LIFR: variants seen among roughly 807,000 people sequenced by gnomAD.
LIFR encodes the protein leukemia inhibitory factor receptor.
A neutral mutation model predicts 122.2 loss-of-function variants in LIFR; 84 were observed. The ratio of observed to expected loss-of-function variants is 0.69; its 90% confidence interval spans 0.58 to 0.82. The LOEUF (loss-of-function observed/expected upper bound fraction) is 0.82. LIFR is among the 40% of genes least tolerant of loss of function. The pLI is 0.00. For synonymous variants in LIFR, 422 were observed against 434.7 expected, an observed-to-expected ratio of 0.97 and a Z score of 0.36; for missense variants, 1,294 against 1,311.6, an observed-to-expected ratio of 0.99 and a Z score of 0.21.
chr5:38,522,607 G>A (rs1268637012), intron 5 of LIFR, among the ~76,000 whole-genome samples: 1 of 152,130 alleles, frequency 6.6e-6, no homozygotes, highest in Non-Finnish European at 1.5e-5. Flanking sequence ...ATGCAGGTTT[G>A]TATGTGGCCT....
At chr5:38,575,415 A>G (rs1287703941) in intron 1 of LIFR, among the ~76,000 whole-genome samples, 1 of 152,232 alleles carries the variant, frequency 6.6e-6, no homozygotes, top group East Asian at 1.9e-4. Context: ...GGTTTTATAA[A>G]ACAACTTTGT....
chr5:38,556,161 G>A (rs929724672), intron 1 of LIFR, among the ~76,000 whole-genome samples, 173 bp downstream of exon 1: 1 of 152,100 alleles, frequency 6.6e-6, no homozygotes, highest in African/African-American at 2.4e-5. Context: ...GGTGACCCAA[G>A]GGCGCGCGGA....
chr5:38,523,105 C>G, intron 5 of LIFR, among the ~76,000 whole-genome samples: 1 of 152,178 alleles, frequency 6.6e-6, no homozygotes, highest in East Asian at 1.9e-4. Context: ...TAAATGTGCA[C>G]TTTCATTTAC....
chr5:38,493,701 T>C lies in LIFR; in HGVS notation c.1970A>G (p.Tyr657Cys), dbSNP rs1561140463. The C allele has an allele frequency of 3.7e-6, 6 of 1,614,060 alleles. No homozygotes were observed. The highest frequency in any genetic ancestry group is 5.1e-6 in the Non-Finnish European group (6 of 1,180,028). ...WHYDPNMTCD[Y>C]VIKWCNSSRS... ...AGACGAGTTACACCACTTAATGACG[T>C]AGTCGCAAGTCATGTTGGGGTCGTA... Residue 657 changes from tyrosine to cysteine, a missense_variant, in exon 14 of 20, where the codon TAC (tyrosine) becomes TGC (cysteine). Tyr to Cys is a radical substitution (Grantham distance 194, BLOSUM62 -2). Transcript: ENST00000453190.
chr5:38,601,042 T>C (rs1426113820), intron 2 of LIFR, among the ~76,000 whole-genome samples: 1 of 152,234 alleles, frequency 6.6e-6, no homozygotes, highest in Non-Finnish European at 1.5e-5. Context: ...TCAAAATTCG[T>C]ATGTTGAAAC....
chr5:38,605,633 A>G (rs532691640), intron 2 of LIFR, among the ~76,000 whole-genome samples: 42 of 152,348 alleles, frequency 2.8e-4, no homozygotes, highest in Non-Finnish European at 1.9e-4. Flanking sequence ...TCCTAAAAAA[A>G]GATACCTGCT....
chr5:38,563,705 A>C (rs969467199), intron 1 of LIFR, among the ~76,000 whole-genome samples: 3 of 152,124 alleles, frequency 2.0e-5, no homozygotes, highest in Non-Finnish European at 4.4e-5. Context: ...ACAATCCTGC[A>C]AGTTACAGGG....
At chr5:38,526,755 T>C (rs1465827307) in intron 4 of LIFR, among the ~76,000 whole-genome samples, 2 of 152,196 alleles carry the variant, frequency 1.3e-5, no homozygotes, top group Non-Finnish European at 2.9e-5. Context: ...TTACATGATA[T>C]GTAAAACACA....
At chr5:38,532,899 G>A (rs1489486536) in intron 1 of LIFR, among the ~76,000 whole-genome samples, 1 of 152,176 alleles carries the variant, frequency 6.6e-6, no homozygotes, top group Non-Finnish European at 1.5e-5. Context: ...CCTTAGAGGA[G>A]CACAAATTTT....
chr5:38,557,469 GTGT>G (rs1748648959), upstream of LIFR: 1 of 154,760 alleles, frequency 6.5e-6, no homozygotes, highest in Non-Finnish European at 1.5e-5. Context: ...GCGTTTGATG[GTGT>G]TCTCTTCGGC....
intron 5 of LIFR, among the ~76,000 whole-genome samples, chr5:38,513,760 G>A (rs191791064): frequency 1.1e-3 from 169 of 152,194 alleles, no homozygotes; most frequent in African/African-American, 3.8e-3. Flanking sequence ...CTAGAGGGAA[G>A]GCCCCCATCA....
At position 38,535,987 on chromosome 5, in the gene LIFR, AG is replaced by A. The variant is rs201348150; in HGVS notation, c.-19-5322del. 4.9e-3 allele frequency among the ~76,000 whole-genome samples: 750 copies of A among 152,348 alleles called. 15 individuals carry two copies. The highest frequency in any genetic ancestry group is 0.042 in the Admixed American group (647 of 15,304). ...TCTGTCCAACACTCTGAAAACCGTT[AG>A]TTCAAGGTAGTCCACAGTTTCAATA... On this transcript the variant is annotated intron_variant, in intron 1 of 19. Coordinates refer to ENST00000453190, the MANE Select transcript of LIFR (RefSeq NM_001127671.2).
At chr5:38,498,657 C>A (rs533174692) in intron 12 of LIFR, among the ~76,000 whole-genome samples, 1 of 152,214 alleles carries the variant, frequency 6.6e-6, no homozygotes, top group Non-Finnish European at 1.5e-5. Context: ...CTTAAGTTTT[C>A]GTCTAGTTTG....
chr5:38,544,511 A>C (rs1747767330), intron 1 of LIFR, among the ~76,000 whole-genome samples: 2 of 148,422 alleles, frequency 1.3e-5, no homozygotes, highest in South Asian at 4.3e-4. Flanking sequence ...TCAAATTAAC[A>C]CTCACTTCCT....
At chr5:38,550,702 C>T (rs1057217767) in intron 1 of LIFR, among the ~76,000 whole-genome samples, 2 of 152,156 alleles carry the variant, frequency 1.3e-5, no homozygotes, top group African/African-American at 4.8e-5. Flanking sequence ...GCTAGGGACA[C>T]GGTGGTAAAT....
intron 1 of LIFR, among the ~76,000 whole-genome samples, chr5:38,581,519 G>C (rs1304845145): frequency 6.6e-6 from 1 of 152,148 alleles, no homozygotes; most frequent in Non-Finnish European, 1.5e-5. Context: ...AGCATCCCAT[G>C]TCTTGGAGGT....
intron 1 of LIFR, among the ~76,000 whole-genome samples, chr5:38,592,831 G>A (rs1749972158): frequency 6.6e-6 from 1 of 152,072 alleles, no homozygotes; most frequent in African/African-American, 2.4e-5. Flanking sequence ...GGTAATAAAT[G>A]TGACGGACAT....
intron 3 of LIFR, 31 bp downstream of exon 3, chr5:38,528,695 C>T (rs1442088456): frequency 1.6e-6 from 2 of 1,287,448 alleles, no homozygotes; most frequent in African/African-American, 2.9e-5. Flanking sequence ...TTCAACCTAG[C>T]TCATTGTGAA....
intron 5 of LIFR, among the ~76,000 whole-genome samples, chr5:38,512,292 T>G (rs2731961): frequency 2.8e-4 from 43 of 152,020 alleles, no homozygotes; most frequent in Non-Finnish European, 1.5e-5. Context: ...GATTGCATTA[T>G]ATACTTCTCA....
Sources: gnomAD v4.1 joint callset for allele counts (sites outside exome capture counted in the v4.1 genomes callset) on GRCh38, gnomAD v4.1.1 for gene constraint, MANE v1.5 for transcripts, NCBI Gene and HGNC (gene_info 2026-07-23, HGNC 2026-07-21) for gene names.